HYAL4: variants seen among roughly 807,000 people sequenced by gnomAD.
The protein encoded by HYAL4 is hyaluronidase 4, also known as hyaluronidase-4.
HYAL4 carries 37 observed loss-of-function variants against 35.2 expected under a neutral mutation model. The ratio of observed to expected loss-of-function variants is 1.05; its 90% CI spans 0.81 to 1.38. The LOEUF is 1.38. Ranked by LOEUF, HYAL4 falls within the 40% of genes most tolerant of loss-of-function variation. HYAL4 has a pLI of 0.00. For missense variants in HYAL4, 572 were observed against 572.4 expected (o/e 1.00, Z 0.01); for synonymous variants, 198 against 203.2 (o/e 0.97, Z 0.22).
At chr7:123,828,085 GCTAT>G (rs1488392746), upstream of HYAL4, among the ~76,000 whole-genome samples, 1 of 152,038 alleles carries the variant, frequency 6.6e-6, no homozygotes, top group East Asian at 1.9e-4. Context: ...AAAGCCCAAT[GCTAT>G]GGACACACCA....
At chr7:123,870,768 AAAAAAAG>A (rs1422317026) in intron 3 of HYAL4, among the ~76,000 whole-genome samples, 5 of 152,046 alleles carry the variant, frequency 3.3e-5, no homozygotes, top group Admixed American at 2.6e-4. Context: ...TCAAAAAAAA[AAAAAAAG>A]AAAGAAAGTT....
At chr7:123,839,210 C>A (rs1183211196) in intron 1 of HYAL4, among the ~76,000 whole-genome samples, 1 of 151,978 alleles carries the variant, frequency 6.6e-6, no homozygotes, top group Non-Finnish European at 1.5e-5. Flanking sequence ...TTGTTCAATT[C>A]CCACCTATGA....
the HYAL4 span, among the ~76,000 whole-genome samples, chr7:123,823,337 A>G: frequency 2.6e-5 from 4 of 152,068 alleles, no homozygotes; most frequent in Non-Finnish European, 1.5e-5. Flanking sequence ...TTAATGTGCT[A>G]TTGAATTTGG....
At chr7:123,850,275 T>G (rs1170645038) in intron 2 of HYAL4, among the ~76,000 whole-genome samples, 1 of 152,202 alleles carries the variant, frequency 6.6e-6, no homozygotes, top group African/African-American at 2.4e-5. Flanking sequence ...AGGGTCTCAC[T>G]CTGTCACTCA....
intron 4 of HYAL4, 119 bp from the exon 5 acceptor site, chr7:123,876,635 A>G: frequency 1.8e-6 from 2 of 1,091,840 alleles, no homozygotes; most frequent in Admixed American, 4.7e-5. Flanking sequence ...AATCAAGACC[A>G]AAGAACTGTG....
At chr7:123,795,804 T>C in the HYAL4 span, among the ~76,000 whole-genome samples, 1 of 152,204 alleles carries the variant, frequency 6.6e-6, no homozygotes, top group African/African-American at 2.4e-5. Context: ...TAAGTATGAC[T>C]GGGTTGATAA....
the HYAL4 span, among the ~76,000 whole-genome samples, chr7:123,793,580 G>A: frequency 1.3e-5 from 2 of 152,088 alleles, no homozygotes; most frequent in South Asian, 2.1e-4. Flanking sequence ...GAGTTCTCAC[G>A]AGATCTGATA....
chr7:123,817,882 G>A, the HYAL4 span, among the ~76,000 whole-genome samples: 3 of 150,248 alleles, frequency 2.0e-5, no homozygotes, highest in Non-Finnish European at 3.0e-5. Context: ...ATTTATTTAT[G>A]TATTTATTTA....
At chr7:123,835,263 T>C (rs1465363216) in intron 1 of HYAL4, among the ~76,000 whole-genome samples, 3 of 152,174 alleles carry the variant, frequency 2.0e-5, no homozygotes, top group African/African-American at 4.8e-5. Flanking sequence ...CTCTGTTTGT[T>C]ATTGGTCTGT....
At chr7:123,786,720 A>G in the HYAL4 span, among the ~76,000 whole-genome samples, 9 of 143,136 alleles carry the variant, frequency 6.3e-5, no homozygotes, top group African/African-American at 2.3e-4. Context: ...CATGCTATCT[A>G]TCTATCTATC....
the HYAL4 span, among the ~76,000 whole-genome samples, chr7:123,808,033 C>G: frequency 6.6e-5 from 10 of 151,272 alleles, no homozygotes; most frequent in Non-Finnish European, 1.2e-4. Flanking sequence ...CCTCGGCCCC[C>G]CAAAGTGGTG....
intron 4 of HYAL4, chr7:123,875,968 C>T (rs889242559): frequency 2.2e-6 from 1 of 455,640 alleles, no homozygotes; most frequent in Non-Finnish European, 4.4e-6. Flanking sequence ...CTGTTTATGC[C>T]TATGCCCACA....
intron 4 of HYAL4, among the ~76,000 whole-genome samples, chr7:123,875,848 C>T (rs2116970816): frequency 6.6e-6 from 1 of 152,068 alleles, no homozygotes. Context: ...ATACTGGCAC[C>T]CTTGACACTT....
chr7:123,765,969 A>G, the HYAL4 span, among the ~76,000 whole-genome samples: 7 of 152,160 alleles, frequency 4.6e-5, no homozygotes, highest in African/African-American at 7.2e-5. Context: ...AAGCTATTTG[A>G]ATTTCCTCTC....
the HYAL4 span, among the ~76,000 whole-genome samples, chr7:123,791,049 G>A: frequency 6.6e-6 from 1 of 152,170 alleles, no homozygotes; most frequent in Non-Finnish European, 1.5e-5. Flanking sequence ...ACAGTCAGGA[G>A]CCACTGTGCC....
At chr7:123,765,319 GT>G in the HYAL4 span, among the ~76,000 whole-genome samples, 9 of 152,176 alleles carry the variant, frequency 5.9e-5, no homozygotes, top group Non-Finnish European at 1.3e-4. Flanking sequence ...TTAGGGAAGA[GT>G]TTTTGTGTCA....
the HYAL4 span, among the ~76,000 whole-genome samples, chr7:123,765,440 G>A: frequency 6.6e-6 from 1 of 152,108 alleles, no homozygotes; most frequent in Non-Finnish European, 1.5e-5. Flanking sequence ...CCACTCTTCA[G>A]TGTATTAGGT....
chr7:123,825,942 T>C (rs1805798839), upstream of HYAL4, among the ~76,000 whole-genome samples: 1 of 152,056 alleles, frequency 6.6e-6, no homozygotes, highest in Non-Finnish European at 1.5e-5. Context: ...TTTATTCCTC[T>C]ATGTTAAATA....
the HYAL4 span, among the ~76,000 whole-genome samples, chr7:123,767,943 A>G: frequency 6.6e-6 from 1 of 152,098 alleles, no homozygotes; most frequent in Non-Finnish European, 1.5e-5. Context: ...TCAAATAAAC[A>G]ATGAATAACT....
Sources: gnomAD v4.1 joint callset for allele counts (sites outside exome capture counted in the v4.1 genomes callset) on GRCh38, gnomAD v4.1.1 for gene constraint, MANE v1.5 for transcripts, NCBI Gene and HGNC (gene_info 2026-07-23, HGNC 2026-07-21) for gene names.